The following MBD5 variants were observed in gnomAD, a reference collection of about 807,000 sequenced individuals.
MBD5 encodes methyl-CpG-binding domain protein 5.
In MBD5, 13 loss-of-function variants were observed where a neutral mutation model predicts 117.3. The observed-to-expected ratio is 0.11, with a 90% CI of 0.07 to 0.18. The LOEUF (loss-of-function observed/expected upper bound fraction) is 0.18, where lower values mean the gene tolerates loss of function less well. Ranked by LOEUF, MBD5 falls within the 10% of genes least tolerant of loss-of-function variation. MBD5 has a pLI of 1.00. For synonymous variants in MBD5, 727 were observed against 766.4 expected, an observed-to-expected ratio of 0.95 and a Z score of 0.85; for missense variants, 1,879 against 2,093.8, an observed-to-expected ratio of 0.90 and a Z score of 2.00.
At chr2:148,230,415 G>T (rs565036315) in intron 2 of MBD5, among the ~76,000 whole-genome samples, 1 of 152,076 alleles carries the variant, frequency 6.6e-6, no homozygotes. Flanking sequence ...GTTGCATGCT[G>T]CCTGGCCTAA....
At chr2:148,342,912 T>A (rs951106298) in intron 4 of MBD5, among the ~76,000 whole-genome samples, 1 of 151,990 alleles carries the variant, frequency 6.6e-6, no homozygotes, top group East Asian at 1.9e-4. Flanking sequence ...GTTTTTCAAC[T>A]CTTGCTCCCC....
Position 148,458,224 on chromosome 2 carries a change from A to G in MBD5, c.-535A>G. 2 of 402,324 alleles carry G rather than the reference A, an allele frequency of 5.0e-6. No individual in the cohort carries two copies. Among genetic ancestry groups the G allele is most frequent in the Admixed American group, 8.4e-5 (2 of 23,672 alleles). The allele number at this position is 402,324 out of a possible 1,614,324, so 24.9% of individuals were successfully genotyped here. On this transcript the variant is annotated 5_prime_UTR_variant, in exon 5 of 14. Coordinates refer to ENST00000642680, the MANE Select transcript of MBD5 (RefSeq NM_001378120.1). ...TCAGGCTACATTATTGGAATTTTGA[A>G]GTCATGAAAACATCAGATGAACCAA...
intron 2 of MBD5, among the ~76,000 whole-genome samples, chr2:148,200,427 C>T (rs781249393): frequency 1.3e-5 from 2 of 152,124 alleles, no homozygotes; most frequent in South Asian, 2.1e-4. Flanking sequence ...CGCGGTGGCT[C>T]ATGCCTGTAA....
chr2:148,099,402 G>A lies in MBD5; in HGVS notation c.-925+77718G>A, dbSNP rs180828645. Among the ~76,000 whole-genome samples the A allele has an allele frequency of 8.1e-3, 1,236 of 152,072 alleles. 13 individuals carry two copies. Among genetic ancestry groups the A allele is most frequent in the South Asian group, 0.041 (199 of 4,816 alleles). ...TATAATAATATTGTTATTTCTTATA[G>A]TTTCAGACTTAATTAATGAAAAGGG... On this transcript the variant is annotated intron_variant, in intron 1 of 13. Transcript: ENST00000642680.
chr2:148,038,746 G>A (rs1450800510), intron 1 of MBD5, among the ~76,000 whole-genome samples: 1 of 151,900 alleles, frequency 6.6e-6, no homozygotes, highest in African/African-American at 2.4e-5. Flanking sequence ...GATTTGTAAG[G>A]AAGTTAGGTG....
chr2:148,323,347 T>C (rs1702342676), intron 3 of MBD5, among the ~76,000 whole-genome samples: 1 of 152,036 alleles, frequency 6.6e-6, no homozygotes, highest in Admixed American at 6.6e-5. Flanking sequence ...TTATAGTCCT[T>C]TGGGTATATA....
intron 5 of MBD5, among the ~76,000 whole-genome samples, chr2:148,459,767 C>T (rs1707010008): frequency 6.6e-6 from 1 of 152,154 alleles, no homozygotes; most frequent in Non-Finnish European, 1.5e-5. Context: ...GTTATGTAAA[C>T]ACAGACTATT....
At position 148,385,267 on chromosome 2, in the gene MBD5, GA is replaced by G. The variant is rs1383358739; in HGVS notation, c.-557+42938del. ...ACAATGAACTCAAACAAATTTACAA[GA>G]AAAAAACAACCCCATCAAAAAGTGG... On this transcript the variant is annotated intron_variant, in intron 4 of 13. Transcript: ENST00000642680. 1.8e-4 allele frequency among the ~76,000 whole-genome samples: 27 copies of G among 151,820 alleles called. No individual in the cohort carries two copies. The South Asian group carries it at 4.8e-3, about 27-fold the overall frequency.
At chr2:148,311,563 C>T (rs1287566918) in intron 3 of MBD5, among the ~76,000 whole-genome samples, 1 of 152,122 alleles carries the variant, frequency 6.6e-6, no homozygotes, top group Admixed American at 6.5e-5. Context: ...AGATGGGTCT[C>T]CTGAATACAG....
chr2:148,188,976 G>A (rs527809610), intron 2 of MBD5, among the ~76,000 whole-genome samples: 2 of 150,732 alleles, frequency 1.3e-5, no homozygotes, highest in African/African-American at 2.5e-5. Context: ...TTCCCTTTCC[G>A]AGTCAAAGAA....
At chr2:148,148,193 C>T (rs1202986137) in intron 1 of MBD5, among the ~76,000 whole-genome samples, 1 of 152,084 alleles carries the variant, frequency 6.6e-6, no homozygotes, top group Non-Finnish European at 1.5e-5. Flanking sequence ...GAAAATGGAG[C>T]TTAGTGAGCT....
chr2:148,334,025 T>C (rs1306433340), intron 3 of MBD5, among the ~76,000 whole-genome samples: 1 of 152,214 alleles, frequency 6.6e-6, no homozygotes, highest in Non-Finnish European at 1.5e-5. Context: ...TTTTTTTTGT[T>C]TATTTATTTA....
At chr2:148,076,641 G>A (rs983238617) in intron 1 of MBD5, among the ~76,000 whole-genome samples, 2 of 152,182 alleles carry the variant, frequency 1.3e-5, no homozygotes, top group Non-Finnish European at 1.5e-5. Context: ...CCAGCTATTG[G>A]TGAGCAGTAC....
At chr2:148,300,275 C>T (rs754092082) in intron 3 of MBD5, among the ~76,000 whole-genome samples, 5 of 152,084 alleles carry the variant, frequency 3.3e-5, no homozygotes, top group Non-Finnish European at 7.4e-5. Context: ...AGGCTGGTCT[C>T]GAACTCCTGA....
intron 1 of MBD5, among the ~76,000 whole-genome samples, chr2:148,076,255 A>G (rs189013047): frequency 2.0e-5 from 3 of 152,212 alleles, no homozygotes; most frequent in African/African-American, 7.2e-5. Context: ...ACTACAGCCC[A>G]ATATTGGTTT....
At chr2:148,493,128 A>G (rs1026907910) in intron 11 of MBD5, among the ~76,000 whole-genome samples, 3 of 152,242 alleles carry the variant, frequency 2.0e-5, no homozygotes, top group Admixed American at 2.0e-4. Context: ...AAATCTGTTT[A>G]TTATAGTAAA....
At chr2:148,175,800 T>G (rs1022002122) in intron 1 of MBD5, among the ~76,000 whole-genome samples, 1 of 152,220 alleles carries the variant, frequency 6.6e-6, no homozygotes, top group South Asian at 2.1e-4. Flanking sequence ...AGCACTTCTT[T>G]ATTTTCTACT....
At chr2:148,173,857 A>C (rs899153479) in intron 1 of MBD5, among the ~76,000 whole-genome samples, 1 of 152,244 alleles carries the variant, frequency 6.6e-6, no homozygotes, top group African/African-American at 2.4e-5. Flanking sequence ...TAAAATGCTC[A>C]TATTACCCAA....
chr2:148,136,549 G>T (rs1697176327), intron 1 of MBD5, among the ~76,000 whole-genome samples: 1 of 152,152 alleles, frequency 6.6e-6, no homozygotes, highest in African/African-American at 2.4e-5. Flanking sequence ...AAAATCTTTG[G>T]TCATATAGCT....
Sources: gnomAD v4.1 joint callset for allele counts (sites outside exome capture counted in the v4.1 genomes callset) on GRCh38, gnomAD v4.1.1 for gene constraint, MANE v1.5 for transcripts, NCBI Gene and HGNC (gene_info 2026-07-23, HGNC 2026-07-21) for gene names.